The following SPTAN1 variants were observed in gnomAD, a reference collection of about 807,000 sequenced individuals.
SPTAN1 encodes spectrin alpha, non-erythrocytic 1.
In SPTAN1, 61 loss-of-function variants were observed where a neutral mutation model predicts 331.3. The ratio of observed to expected loss-of-function variants is 0.18; its 90% confidence interval spans 0.15 to 0.23. The LOEUF (loss-of-function observed/expected upper bound fraction) is 0.23. Ranked by LOEUF, SPTAN1 falls within the 10% of genes least tolerant of loss-of-function variation. The pLI is 1.00. For synonymous variants in SPTAN1, 1,153 were observed against 1,173.9 expected (o/e 0.98, Z 0.36); for missense variants, 2,043 against 3,147.9 (o/e 0.65, Z 8.40).
chr9:128,598,634 T>G, intron 25 of SPTAN1, 130 bp downstream of exon 25: 1 of 817,872 alleles, frequency 1.2e-6, no homozygotes, highest in Non-Finnish European at 2.1e-6. Flanking sequence ...GGTCAGGTCC[T>G]CTATGTGACC....
rs758342554 is a variant in SPTAN1, at chr9:128,576,884, A to G, written c.713A>G (p.Gln238Arg). 2 of 1,614,054 alleles carry G rather than the reference A, an allele frequency of 1.2e-6. No homozygotes were observed. Among genetic ancestry groups the G allele is most frequent in the African/African-American group, 2.7e-5 (2 of 74,950 alleles). ...TKQDEVNAAWQRLKGLALQRQ... is the reference protein window; with the variant it reads ...TKQDEVNAAWRRLKGLALQRQ... ...CAGGATGAAGTCAATGCAGCCTGGC[A>G]GCGGCTGAAGGGCCTGGCTCTGCAG... The change falls in exon 6 of 57, where the codon CAG becomes CGG. Residue 238 changes from glutamine (Q) to arginine (R), a missense_variant. By Grantham distance (43) the Gln-to-Arg change is conservative. Around this residue, in one of 12 missense-constraint regions of SPTAN1, gnomAD observed 1,038 missense variants for 1,531.5 expected, o/e 0.68. Transcript: ENST00000372739.
At chr9:128,601,960 C>G (rs78737440) in intron 27 of SPTAN1, among the ~76,000 whole-genome samples, 3 of 152,162 alleles carry the variant, frequency 2.0e-5, no homozygotes, top group Non-Finnish European at 4.4e-5. Flanking sequence ...CGTAGCAAAA[C>G]TTGGTCATTG....
At chr9:128,600,248 C>G (rs998088017) in intron 27 of SPTAN1, 133 bp downstream of exon 27, 1 of 954,046 alleles carries the variant, frequency 1.0e-6, no homozygotes, top group African/African-American at 1.6e-5. Flanking sequence ...GGGCTGGTTT[C>G]TTTCTGAATC....
chr9:128,587,458 G>T, intron 19 of SPTAN1, 148 bp from the exon 20 acceptor site: 1 of 703,116 alleles, frequency 1.4e-6, no homozygotes, highest in South Asian at 1.5e-5. Context: ...CTTTGAAAAT[G>T]ATATTAGCAC....
chr9:128,568,526 T>C (rs1431265345), intron 2 of SPTAN1, among the ~76,000 whole-genome samples: 1 of 152,156 alleles, frequency 6.6e-6, no homozygotes, highest in African/African-American at 2.4e-5. Context: ...CCATTGACAA[T>C]GTTAGTTCTC....
In SPTAN1 at chr9:128,624,408, C is replaced by T. The variant is rs373426828; in HGVS notation, c.5913C>T (p.Ala1971=). 1.9e-6 allele frequency: 3 copies of T among 1,613,836 alleles called. No homozygotes were observed. In the African/African-American group the frequency reaches 4.0e-5, roughly 22 times the overall value. Reference sequence around the variant, plus strand: ...TGTCAGACCTGGAGAAAGCTGCAGCCCAGAGAAAGGCGAAGCTGGATGAGA... The same window carrying T: ...TGTCAGACCTGGAGAAAGCTGCAGCTCAGAGAAAGGCGAAGCTGGATGAGA... ...GKVSDLEKAA[A]QRKAKLDENS... The change falls in exon 46 of 57, where the codon GCC becomes GCT. Residue 1971 remains alanine, a synonymous_variant. Coordinates refer to ENST00000372739, the MANE Select transcript of SPTAN1 (RefSeq NM_001130438.3).
At chr9:128,594,789 C>T (rs1220304616) in intron 24 of SPTAN1, among the ~76,000 whole-genome samples, 1 of 143,184 alleles carries the variant, frequency 7.0e-6, no homozygotes, top group African/African-American at 2.6e-5. Context: ...AGATTATATT[C>T]CATCATGTAT....
Position 128,625,056 on chromosome 9 carries a change from C to G in SPTAN1, c.5993-47C>G. 6.4e-7 allele frequency: 1 copy of G among 1,555,144 alleles called. No individual in the cohort carries two copies. On this transcript the variant is annotated intron_variant, in intron 46 of 56. Transcript: ENST00000372739. This position sits in a 1 kb window ranked among gnomAD's most constrained non-coding sequence, Gnocchi z 4.1. ...GTTTTGATGTTTTTCCTTTCTAATC[C>G]ATCTCCACTGAGGAGGGCAGTATAT...
In SPTAN1 at chr9:128,629,135, C is replaced by T. The variant is rs1010329173; in HGVS notation, c.6708-1186C>T. On this transcript the variant is annotated intron_variant, in intron 51 of 56. Transcript: ENST00000372739. This position sits in a 1 kb window ranked among gnomAD's most constrained non-coding sequence, Gnocchi z 4.9. ...CTTTTCTTTGAATAGCATAGCATAT[C>T]GTCGGGTCATTCGTGTCTATCAGTA... is the stretch of plus-strand genomic sequence containing the variant. The T allele has an allele frequency of 2.3e-5, 9 of 398,604 alleles. No individual in the cohort carries two copies. The Middle Eastern group carries it at 1.9e-3, about 82-fold the overall frequency. The allele number at this position is 398,604 out of a possible 1,614,324, so 24.7% of individuals were successfully genotyped here. A position where few individuals can be genotyped will look rare whatever the true frequency, so the allele number is the denominator to read the frequency against.
In SPTAN1 at chr9:128,627,212, C is replaced by A. The variant is rs1414828345; in HGVS notation, c.6577-174C>A. On this transcript the variant is annotated intron_variant, in intron 49 of 56. Coordinates refer to ENST00000372739, the MANE Select transcript of SPTAN1 (RefSeq NM_001130438.3). The surrounding 1 kb of genome is among the most constrained non-coding windows in gnomAD (Gnocchi z 4.9). ...CCTTGAAGCCCCTGGGGGGTGGGAA[C>A]AGAGAAAGAACTACCAAGTGCTCTG... The A allele has an allele frequency of 9.1e-6, 6 of 661,914 alleles. No homozygotes were observed. Among genetic ancestry groups the A allele is most frequent in the Non-Finnish European group, 1.6e-5 (6 of 368,346 alleles). The allele number at this position is 661,914 out of a possible 1,614,324, so 41.0% of individuals were successfully genotyped here. A position where few individuals can be genotyped will look rare whatever the true frequency, so the allele number is the denominator to read the frequency against.
chr9:128,621,243 A>G lies in SPTAN1; in HGVS notation c.5819A>G (p.Asp1940Gly). Reference sequence around the variant, plus strand: ...AATGATGTCTGCACCAATGGACAAGACCTCATTAAGAAGGTGAGTCCAGCC... The same window carrying G: ...AATGATGTCTGCACCAATGGACAAGGCCTCATTAAGAAGGTGAGTCCAGCC... ...RVNDVCTNGQ[D>G]LIKKNNHHEE... Residue 1940 changes from aspartate (D) to glycine (G), a missense_variant, in exon 45 of 57, where the codon GAC (aspartate) becomes GGC (glycine). Asp to Gly is a moderately conservative substitution (Grantham distance 94, BLOSUM62 -1). Coordinates refer to ENST00000372739, the MANE Select transcript of SPTAN1 (RefSeq NM_001130438.3). 1 of 1,613,458 alleles carries G rather than the reference A, an allele frequency of 6.2e-7. No homozygotes were observed. Among genetic ancestry groups the G allele is most frequent in the South Asian group, 1.1e-5 (1 of 91,008 alleles).
chr9:128,625,315 C>T lies in SPTAN1; in HGVS notation c.6069+136C>T. 8 of 904,826 alleles carry T rather than the reference C, an allele frequency of 8.8e-6. No homozygotes were observed. The highest frequency in any genetic ancestry group is 1.4e-5 in the Non-Finnish European group (8 of 566,352). 56.0% of individuals were successfully genotyped at this position (904,826 alleles called of 1,614,324 possible). The stretch of plus-strand genomic sequence containing the variant: ...AGGAAAAAGATCCTGTCCTGGTCCT[C>T]AGGGAGCTTCCAGACTAACTGGGGA... On this transcript the variant is annotated intron_variant, in intron 47 of 56. Transcript: ENST00000372739. This position sits in a 1 kb window ranked among gnomAD's most constrained non-coding sequence, Gnocchi z 4.1.
rs796636948 is a variant in SPTAN1, at chr9:128,589,275, TTTTC to T, written c.3006+336_3006+339del. Among the ~76,000 whole-genome samples the T allele has an allele frequency of 3.3e-5, 5 of 149,314 alleles. No individual in the cohort carries two copies. The South Asian group carries it at 1.1e-3, about 32-fold the overall frequency. ...TAACTTGGACCTGTTGGTTCTTTTT[TTTTC>T]TTTTTCTTTTCTTTTTTTTTTTTTT... On this transcript the variant is annotated intron_variant, in intron 21 of 56. Transcript: ENST00000372739.
chr9:128,597,846 T>C (rs1406740464), intron 24 of SPTAN1, among the ~76,000 whole-genome samples: 1 of 151,522 alleles, frequency 6.6e-6, no homozygotes, highest in East Asian at 1.9e-4. Flanking sequence ...AGACGGGGTT[T>C]CACCATATTG....
intron 43 of SPTAN1, among the ~76,000 whole-genome samples, 162 bp from the exon 44 acceptor site, chr9:128,618,709 T>A (rs993565394): frequency 6.6e-6 from 1 of 152,122 alleles, no homozygotes; most frequent in Non-Finnish European, 1.5e-5. Context: ...GGTCTCGATC[T>A]CCTGATCTCG....
chr9:128,600,093 C>G lies in SPTAN1; in HGVS notation c.3557C>G (p.Ser1186Cys). The change falls in exon 27 of 57, where the codon TCC (serine) becomes TGC (cysteine). Residue 1186 changes from serine to cysteine, a missense_variant. Around this residue, in one of 12 missense-constraint regions of SPTAN1, gnomAD observed 1,038 missense variants for 1,531.5 expected, o/e 0.68. Coordinates refer to ENST00000372739, the MANE Select transcript of SPTAN1 (RefSeq NM_001130438.3). The part of the protein sequence containing the change: ...YGMMPRDETD[S>C]KTASPWKSAR... Reference sequence around the variant, plus strand: ...TTCTTTGAATAGGATGAAACTGATTCCAAGACAGCCTCCCCGTGGAAGGTA... The same window carrying G: ...TTCTTTGAATAGGATGAAACTGATTGCAAGACAGCCTCCCCGTGGAAGGTA... 1 of 1,614,192 alleles carries G rather than the reference C, an allele frequency of 6.2e-7. No individual in the cohort carries two copies.
chr9:128,622,110 T>G (rs1826940110), intron 45 of SPTAN1: 1 of 152,364 alleles, frequency 6.6e-6, no homozygotes, highest in Non-Finnish European at 1.5e-5. Context: ...AGAGCTTTTC[T>G]TCCTTGCTCT....
rs2131316232 is a variant in SPTAN1 at position 128,591,399 on chromosome 9, T to G, written c.3007-78T>G. 5 of 1,587,960 alleles carry G rather than the reference T, an allele frequency of 3.1e-6. No homozygotes were observed. In the South Asian group the frequency reaches 5.5e-5, roughly 18 times the overall value. The stretch of plus-strand genomic sequence containing the variant: ...CCTCTTAAAACAACGCTCTCGTGTG[T>G]GTGTATACACGTGACCTCCTTGGAT... On this transcript the variant is annotated intron_variant, in intron 21 of 56. Transcript: ENST00000372739.
rs2228952 is a variant in SPTAN1, at chr9:128,633,289, C to A, written c.7389C>A (p.Thr2463=). 11 of 1,613,892 alleles carry A rather than the reference C, an allele frequency of 6.8e-6. No individual in the cohort carries two copies. In the East Asian group the frequency reaches 1.6e-4, roughly 23 times the overall value. Residue 2463 remains threonine (T), a synonymous_variant, in exon 57 of 57, where the codon ACC becomes ACA. Coordinates refer to ENST00000372739, the MANE Select transcript of SPTAN1 (RefSeq NM_001130438.3). ...YVDGKGRELP[T]AFDYVEFTRS... The stretch of plus-strand genomic sequence containing the variant: ...ACGGCAAGGGCCGCGAGCTCCCCAC[C>A]GCGTTCGACTACGTGGAGTTCACCC...
Sources: gnomAD v4.1 joint callset for allele counts (sites outside exome capture counted in the v4.1 genomes callset) on GRCh38, gnomAD v4.1.1 for gene constraint, gnomAD v4.1.1 regional missense constraint, Gnocchi (gnomAD v3.1) non-coding constraint, MANE v1.5 for transcripts, NCBI Gene and HGNC (gene_info 2026-07-23, HGNC 2026-07-21) for gene names.